DIAPH2: variants seen among roughly 807,000 people sequenced by gnomAD.
DIAPH2 encodes the protein diaphanous related formin 2, also known as protein diaphanous homolog 2.
In DIAPH2, 35 loss-of-function variants were observed where a neutral mutation model predicts 92.7. The observed-to-expected ratio is 0.38, with a 90% CI of 0.29 to 0.50. The LOEUF is 0.50. DIAPH2 is among the 20% of genes least tolerant of loss of function. DIAPH2 has a pLI of 0.94. For missense variants in DIAPH2, 701 were observed against 819.5 expected (o/e 0.86, Z 1.77); for synonymous variants, 301 against 280.4 (o/e 1.07, Z -0.73).
intron 26 of DIAPH2, among the ~76,000 whole-genome samples, chrX:97,462,168 A>T (rs1308387582): frequency 8.9e-6 from 1 of 111,833 alleles, no homozygotes; most frequent in African/African-American, 3.2e-5. Context: ...TAGCTCACAT[A>T]TCCTTTTAAA....
intron 3 of DIAPH2, among the ~76,000 whole-genome samples, chrX:96,746,700 C>T (rs2064152591): frequency 9.5e-6 from 1 of 105,566 alleles, no homozygotes; most frequent in Non-Finnish European, 1.9e-5. Context: ...ACTGTATGCA[C>T]GTGCCACCAT....
At chrX:97,339,496 T>C (rs758877225) in intron 23 of DIAPH2, among the ~76,000 whole-genome samples, 7 of 110,070 alleles carry the variant, frequency 6.4e-5, no homozygotes, top group Non-Finnish European at 9.5e-5. Flanking sequence ...GCATGGGAGA[T>C]AGAGTGAGAT....
intron 23 of DIAPH2, among the ~76,000 whole-genome samples, chrX:97,285,287 C>T (rs754176292): frequency 3.7e-5 from 4 of 106,721 alleles, no homozygotes; most frequent in African/African-American, 1.4e-4. Flanking sequence ...TGCCTGTAAT[C>T]CCAGCACTTT....
At chrX:97,200,643 C>T (rs1410429062) in intron 22 of DIAPH2, among the ~76,000 whole-genome samples, 1 of 112,029 alleles carries the variant, frequency 8.9e-6, no homozygotes, top group Non-Finnish European at 1.9e-5. Context: ...GAAGGAAATG[C>T]CACAGCCCCA....
chrX:96,748,943 T>G (rs1027294240), intron 3 of DIAPH2, among the ~76,000 whole-genome samples: 9 of 110,524 alleles, frequency 8.1e-5, no homozygotes, highest in African/African-American at 2.6e-4. Flanking sequence ...GCTGAATGTA[T>G]CCACGCCCAT....
intron 4 of DIAPH2, among the ~76,000 whole-genome samples, chrX:96,760,709 G>A (rs184123903): frequency 2.7e-5 from 3 of 111,030 alleles, no homozygotes; most frequent in South Asian, 3.8e-4. Context: ...GTCTTTTGTC[G>A]TATAATTAAC....
chrX:96,975,378 C>A (rs2065954077), intron 17 of DIAPH2, among the ~76,000 whole-genome samples: 1 of 111,733 alleles, frequency 8.9e-6, no homozygotes, highest in Non-Finnish European at 1.9e-5. Flanking sequence ...TATAGAAATT[C>A]TTGCAATTGA....
chrX:97,346,740 C>T (rs986436031), intron 23 of DIAPH2, among the ~76,000 whole-genome samples: 9 of 111,097 alleles, frequency 8.1e-5, no homozygotes, highest in African/African-American at 2.6e-4. Context: ...CTTAGCAAGG[C>T]ATATTTGTTC....
At chrX:96,792,617 A>G (rs2147639304) in intron 4 of DIAPH2, among the ~76,000 whole-genome samples, 1 of 112,294 alleles carries the variant, frequency 8.9e-6, no homozygotes, top group Admixed American at 9.5e-5. Flanking sequence ...TTACAAATAG[A>G]CTTTAGAATA....
intron 17 of DIAPH2, among the ~76,000 whole-genome samples, chrX:97,032,057 C>T (rs752688082): frequency 9.0e-6 from 1 of 111,633 alleles, no homozygotes; most frequent in South Asian, 3.8e-4. Flanking sequence ...ATGAAGTTAC[C>T]TACTCACTAA....
chrX:97,268,530 A>G (rs1057095269), intron 23 of DIAPH2, among the ~76,000 whole-genome samples: 1 of 112,390 alleles, frequency 8.9e-6, no homozygotes, highest in African/African-American at 3.2e-5. Context: ...CCTGCAGTCT[A>G]ATGTAACTTC....
intron 26 of DIAPH2, among the ~76,000 whole-genome samples, chrX:97,485,527 G>T (rs1034036524): frequency 8.9e-6 from 1 of 112,568 alleles, no homozygotes; most frequent in Non-Finnish European, 1.9e-5. Context: ...ACTTTTGACC[G>T]TGATTGTATT....
At chrX:96,755,609 C>T (rs1282685303) in intron 3 of DIAPH2, among the ~76,000 whole-genome samples, 6 of 109,883 alleles carry the variant, frequency 5.5e-5, no homozygotes, top group African/African-American at 1.0e-4. Flanking sequence ...GCCGAGATCG[C>T]GCCACTGCAC....
intron 17 of DIAPH2, among the ~76,000 whole-genome samples, chrX:97,070,452 G>A (rs1027388952): frequency 2.7e-5 from 3 of 111,705 alleles, no homozygotes; most frequent in African/African-American, 9.8e-5. Context: ...ATGAAAGCAG[G>A]CAATTTTTAA....
intron 17 of DIAPH2, among the ~76,000 whole-genome samples, chrX:97,032,021 G>T (rs764941282): frequency 5.4e-5 from 6 of 112,080 alleles, no homozygotes; most frequent in African/African-American, 1.9e-4. Context: ...TTTAGGGAAA[G>T]TGGTAAGAAA....
intron 25 of DIAPH2, among the ~76,000 whole-genome samples, chrX:97,429,036 G>A (rs1179256907): frequency 8.9e-6 from 1 of 111,960 alleles, no homozygotes; most frequent in African/African-American, 3.2e-5. Context: ...TTCTAAAAAG[G>A]AAGTGGGACT....
At chrX:97,591,532 T>C (rs1448268810) in intron 26 of DIAPH2, among the ~76,000 whole-genome samples, 2 of 111,836 alleles carry the variant, frequency 1.8e-5, no homozygotes, top group South Asian at 3.8e-4. Context: ...GATCAGTTTC[T>C]GATTTGATGC....
At chrX:97,560,041 T>A (rs950741287) in intron 26 of DIAPH2, among the ~76,000 whole-genome samples, 8 of 111,820 alleles carry the variant, frequency 7.2e-5, no homozygotes, top group African/African-American at 2.6e-4. Context: ...TAGATCAAAT[T>A]TCACGGTCTC....
At chrX:97,560,297 C>T (rs1239774673) in intron 26 of DIAPH2, among the ~76,000 whole-genome samples, 1 of 111,611 alleles carries the variant, frequency 9.0e-6, no homozygotes, top group African/African-American at 3.3e-5. Flanking sequence ...TTGTGGCAGG[C>T]GCCATGTTAG....
Sources: gnomAD v4.1 joint callset for allele counts (sites outside exome capture counted in the v4.1 genomes callset) on GRCh38, gnomAD v4.1.1 for gene constraint, MANE v1.5 for transcripts, NCBI Gene and HGNC (gene_info 2026-07-23, HGNC 2026-07-21) for gene names.